TP53BP1: variants seen among roughly 807,000 people sequenced by gnomAD.
TP53BP1 encodes the protein tumor protein p53 binding protein 1, also known as TP53-binding protein 1.
Under a neutral mutation model 200.8 loss-of-function variants are expected in TP53BP1, and 61 were observed. That is an observed-to-expected ratio of 0.30 (90% CI 0.25 to 0.38). The LOEUF (loss-of-function observed/expected upper bound fraction) is 0.38. Ranked by LOEUF, TP53BP1 falls within the 10% of genes least tolerant of loss-of-function variation. TP53BP1 has a pLI of 1.00. For missense variants in TP53BP1, 2,144 were observed against 2,371.9 expected (o/e 0.90, Z 2.00); for synonymous variants, 822 against 844.3 (o/e 0.97, Z 0.46).
chr15:43,403,566 G>C lies in TP53BP1; in HGVS notation c.*3817C>G, dbSNP rs2044748914. On this transcript the variant is annotated 3_prime_UTR_variant, in exon 28 of 28. Coordinates refer to ENST00000382044, the MANE Select transcript of TP53BP1 (RefSeq NM_001141980.3). ...GCACGTGGCAGTGTCTATCCTGTCAGATTTGGGAGGTCAGCTATTAATTAG... is the reference window on the plus strand; with the variant it reads ...GCACGTGGCAGTGTCTATCCTGTCACATTTGGGAGGTCAGCTATTAATTAG... 2.6e-6 allele frequency: 2 copies of C among 768,242 alleles called. No individual in the cohort carries two copies. Among genetic ancestry groups the C allele is most frequent in the Non-Finnish European group, 4.4e-6 (2 of 458,916 alleles). 47.6% of individuals were successfully genotyped at this position (768,242 alleles called of 1,614,324 possible).
intron 2 of TP53BP1, 32 bp downstream of exon 2, chr15:43,492,252 G>T (rs750851298): frequency 1.3e-6 from 2 of 1,585,034 alleles, no homozygotes; most frequent in Admixed American, 3.7e-5. Context: ...AAAAAAATCT[G>T]CTCAATCTTC....
At chr15:43,437,249 T>TG (rs1368638249) in intron 16 of TP53BP1, among the ~76,000 whole-genome samples, 2 of 152,190 alleles carry the variant, frequency 1.3e-5, no homozygotes, top group Non-Finnish European at 2.9e-5. Flanking sequence ...TTTTGCTCTG[T>TG]GGGAAACTAA....
chr15:43,459,592 A>T (rs149264952), intron 11 of TP53BP1, among the ~76,000 whole-genome samples: 70 of 152,322 alleles, frequency 4.6e-4, no homozygotes, highest in African/African-American at 1.6e-3. Flanking sequence ...AATCTCAAAA[A>T]TATGCTAAGT....
In TP53BP1 at chr15:43,474,713, A is replaced by G. The variant is rs766061895; in HGVS notation, c.1140T>C (p.Phe380=). ...PSPDAFRSTP[F]IVPSSPTEQE... ...GCTCTGTGGGACTGCTAGGAACGAT[A>G]AAAGGAGTAGATCGGAAAGCATCAG... is the stretch of plus-strand genomic sequence containing the variant. The change falls in exon 10 of 28, where the codon TTT becomes TTC. Residue 380 remains phenylalanine, a synonymous_variant. Coordinates refer to ENST00000382044, the MANE Select transcript of TP53BP1 (RefSeq NM_001141980.3). 6 of 1,613,366 alleles carry G rather than the reference A, an allele frequency of 3.7e-6. No homozygotes were observed. The highest frequency in any genetic ancestry group is 2.2e-5 in the East Asian group (1 of 44,888).
intron 15 of TP53BP1, among the ~76,000 whole-genome samples, chr15:43,438,654 C>T (rs964003786): frequency 7.4e-6 from 1 of 135,822 alleles, no homozygotes; most frequent in Non-Finnish European, 1.5e-5. Context: ...CATAAAGATG[C>T]GATCAGCAAA....
intron 11 of TP53BP1, among the ~76,000 whole-genome samples, chr15:43,464,630 G>A (rs1313186002): frequency 6.6e-6 from 1 of 152,092 alleles, no homozygotes; most frequent in Non-Finnish European, 1.5e-5. Flanking sequence ...AAGGCCAGGC[G>A]TGGTGGCTCA....
chr15:43,408,268 G>A (rs1284709621), intron 26 of TP53BP1, 180 bp from the exon 27 acceptor site: 1 of 605,626 alleles, frequency 1.7e-6, no homozygotes, highest in South Asian at 2.1e-5. Flanking sequence ...TCTTGGGCCT[G>A]GGAGTTCGAG....
At position 43,403,390 on chromosome 15, in the gene TP53BP1, G is replaced by A; in HGVS notation, c.*3993C>T. 1 of 242,036 alleles carries A rather than the reference G, an allele frequency of 4.1e-6. No homozygotes were observed. The highest frequency in any genetic ancestry group is 8.0e-6 in the Non-Finnish European group (1 of 124,378). The allele number at this position is 242,036 out of a possible 1,614,324, so 15.0% of individuals were successfully genotyped here. Reference sequence around the variant, plus strand: ...AGGGAACAACACTCACAGCTCAGAGGCAGGAAGACACTCTGCGGGTCTAAG... The same window carrying A: ...AGGGAACAACACTCACAGCTCAGAGACAGGAAGACACTCTGCGGGTCTAAG... On this transcript the variant is annotated 3_prime_UTR_variant, in exon 28 of 28. Transcript: ENST00000382044.
chr15:43,437,646 A>C (rs1410941400), intron 16 of TP53BP1, among the ~76,000 whole-genome samples: 1 of 152,190 alleles, frequency 6.6e-6, no homozygotes, highest in African/African-American at 2.4e-5. Context: ...TTATGAAGTC[A>C]GTCATTTCAA....
At chr15:43,467,902 G>C (rs1335604545) in intron 11 of TP53BP1, among the ~76,000 whole-genome samples, 1 of 151,766 alleles carries the variant, frequency 6.6e-6, no homozygotes, top group Non-Finnish European at 1.5e-5. Flanking sequence ...TCCTGCCTCA[G>C]CCTTCCAAAT....
intron 12 of TP53BP1, among the ~76,000 whole-genome samples, chr15:43,453,865 T>TA (rs1195935261): frequency 1.4e-5 from 2 of 146,648 alleles, no homozygotes; most frequent in African/African-American, 2.5e-5. Flanking sequence ...ATTTAAAAAC[T>TA]AAAAAAAAAG....
At chr15:43,431,102 T>C (rs2045659081) in intron 17 of TP53BP1, among the ~76,000 whole-genome samples, 1 of 152,156 alleles carries the variant, frequency 6.6e-6, no homozygotes, top group Admixed American at 6.6e-5. Flanking sequence ...AGCATATGGA[T>C]ATGCTAGAAA....
rs1198042522 is a variant in TP53BP1, at chr15:43,432,718, AGTGTATGTGTGAAC to A, written c.3192-55_3192-42del. On this transcript the variant is annotated intron_variant, in intron 16 of 27. Transcript: ENST00000382044. The stretch of plus-strand genomic sequence containing the variant: ...ATAAAGAAGCCATGTCAATTAAGCA[AGTGTATGTGTGAAC>A]GTGTGTGTGTGCGTGTGCATGTGTG... 4.5e-6 allele frequency: 7 copies of A among 1,564,298 alleles called. No homozygotes were observed. In the African/African-American group the frequency reaches 9.5e-5, roughly 21 times the overall value.
At chr15:43,464,916 A>AAAAT (rs532574481) in intron 11 of TP53BP1, among the ~76,000 whole-genome samples, 1,666 of 152,108 alleles carry the variant, frequency 0.011, 30 homozygotes, top group African/African-American at 0.037. Context: ...CTCAAAAAGA[A>AAAAT]AAATAAATAA....
rs775120096 is a variant in TP53BP1, at chr15:43,413,275, G to A, written c.5149C>T (p.Pro1717Ser). Reference sequence around the variant, plus strand: ...CCTCTCTGCTCTTCCAGGGCAGAGGGTTCACCGGTGTTGTCTCCACTCTCA... The same window carrying A: ...CCTCTCTGCTCTTCCAGGGCAGAGGATTCACCGGTGTTGTCTCCACTCTCA... Reference protein sequence around the residue: ...PCESGDNTGEPSALEEQRGPL... With the variant: ...PCESGDNTGESSALEEQRGPL... The change falls in exon 24 of 28, where the codon CCC (proline) becomes TCC (serine). Residue 1717 changes from proline (P) to serine (S), a missense_variant. Physicochemically the swap from Pro to Ser is moderately conservative, Grantham distance 74. This residue lies in a region of TP53BP1 where 334 missense variants were observed against 453.4 expected (regional missense o/e 0.74). Transcript: ENST00000382044. The A allele has an allele frequency of 1.2e-6, 2 of 1,614,168 alleles. No homozygotes were observed. Among genetic ancestry groups the A allele is most frequent in the Non-Finnish European group, 8.5e-7 (1 of 1,180,028 alleles).
At chr15:43,478,188 A>G (rs1234781864) in intron 7 of TP53BP1, among the ~76,000 whole-genome samples, 2 of 152,216 alleles carry the variant, frequency 1.3e-5, no homozygotes, top group Non-Finnish European at 2.9e-5. Context: ...AGTGCCACAC[A>G]CATCTTCTGC....
chr15:43,431,308 T>C (rs1417448305), intron 17 of TP53BP1, among the ~76,000 whole-genome samples: 1 of 152,016 alleles, frequency 6.6e-6, no homozygotes, highest in Non-Finnish European at 1.5e-5. Context: ...TACTAGTAAC[T>C]TCCAAATTTT....
At position 43,406,460 on chromosome 15, in the gene TP53BP1, C is replaced by CAGTT. The variant is rs1389280236; in HGVS notation, c.*919_*922dup. On this transcript the variant is annotated 3_prime_UTR_variant, in exon 28 of 28. Coordinates refer to ENST00000382044, the MANE Select transcript of TP53BP1 (RefSeq NM_001141980.3). The stretch of plus-strand genomic sequence containing the variant: ...CTATGGCCTGCTGTCTGTTTTTGTA[C>CAGTT]AGTTTTACTGAAACACAGCCATGCC... 2.8e-6 allele frequency: 1 copy of CAGTT among 363,532 alleles called. No homozygotes were observed. Among genetic ancestry groups the CAGTT allele is most frequent in the African/African-American group, 2.1e-5 (1 of 47,000 alleles). 22.5% of individuals were successfully genotyped at this position (363,532 alleles called of 1,614,324 possible). A position where few individuals can be genotyped will look rare whatever the true frequency, so the allele number is the denominator to read the frequency against.
upstream of TP53BP1, among the ~76,000 whole-genome samples, chr15:43,495,285 G>A (rs1226476084): frequency 6.6e-6 from 1 of 151,754 alleles, no homozygotes; most frequent in African/African-American, 2.4e-5. Flanking sequence ...GGATCATGAG[G>A]TCAGGAGATC....
Sources: allele counts gnomAD v4.1 joint callset (sites outside exome capture counted in the v4.1 genomes callset), GRCh38; gene constraint gnomAD v4.1.1; regional missense constraint gnomAD v4.1.1; transcripts MANE v1.5; gene names NCBI Gene and HGNC (gene_info 2026-07-23, HGNC 2026-07-21).